DRG2: variants seen among roughly 807,000 people sequenced by gnomAD.
DRG2 encodes developmentally regulated GTP binding protein 2.
Under a neutral mutation model 53.4 loss-of-function variants are expected in DRG2, and 36 were observed. The observed-to-expected ratio is 0.67, with a 90% CI of 0.52 to 0.89. The LOEUF (loss-of-function observed/expected upper bound fraction) is 0.89. Among genes scored for constraint, DRG2 ranks in the 40% least tolerant of loss-of-function variants. DRG2 has a pLI of 0.00. For missense variants in DRG2, 342 were observed against 481.2 expected, an observed-to-expected ratio of 0.71 and a Z score of 2.71; for synonymous variants, 167 against 192.1, an observed-to-expected ratio of 0.87 and a Z score of 1.08.
chr17:18,103,952 C>T lies in DRG2; in HGVS notation c.895+63C>T, dbSNP rs987121482. 1.6e-5 allele frequency: 25 copies of T among 1,537,058 alleles called. No homozygotes were observed. Among genetic ancestry groups the T allele is most frequent in the South Asian group, 6.7e-5 (6 of 89,298 alleles). ...CTTCATCCCTAGAAGGCTGCCAGGC[C>T]GGTGTGTGGTGCCCAGAGACCCCAG... is the stretch of plus-strand genomic sequence containing the variant. On this transcript the variant is annotated intron_variant, in intron 10 of 12. Transcript: ENST00000225729. This position sits in a 1 kb window ranked among gnomAD's most constrained non-coding sequence, Gnocchi z 4.4.
At chr17:18,106,122 A>T in intron 11 of DRG2, 1 of 429,584 alleles carries the variant, frequency 2.3e-6, no homozygotes, top group Admixed American at 3.5e-5. Context: ...GCATCTGTTC[A>T]GGCAAGGCAA....
chr17:18,088,192 C>T, intron 1 of DRG2, 105 bp downstream of exon 1: 1 of 1,381,502 alleles, frequency 7.2e-7, no homozygotes, highest in South Asian at 1.4e-5. Flanking sequence ...GATCCGAGGC[C>T]GCGGAGAAGT....
At position 18,099,460 on chromosome 17, in the gene DRG2, C is replaced by A; in HGVS notation, c.377-173C>A. Reference sequence around the variant, plus strand: ...TATGATGGTGGTGTCGGATTTTCTTCTGAAATAAGTCTCCGTCAGTAAAAC... The same window carrying A: ...TATGATGGTGGTGTCGGATTTTCTTATGAAATAAGTCTCCGTCAGTAAAAC... On this transcript the variant is annotated intron_variant, in intron 4 of 12. Coordinates refer to ENST00000225729, the MANE Select transcript of DRG2 (RefSeq NM_001388.5). The surrounding 1 kb of genome is among the most constrained non-coding windows in gnomAD (Gnocchi z 4.4). 1.4e-6 allele frequency: 1 copy of A among 709,030 alleles called. No individual in the cohort carries two copies. The highest frequency in any genetic ancestry group is 1.7e-5 in the South Asian group (1 of 59,290). 43.9% of individuals were successfully genotyped at this position (709,030 alleles called of 1,614,324 possible).
At chr17:18,105,788 G>A (rs854762) in intron 11 of DRG2, 65,070 of 152,466 alleles carry the variant, frequency 0.43, 16,391 homozygotes, top group Non-Finnish European at 0.59. Context: ...TGGGCATGTG[G>A]GAGGAGGAGT....
At chr17:18,093,469 C>G (rs61647891) in intron 1 of DRG2, among the ~76,000 whole-genome samples, 1 of 152,074 alleles carries the variant, frequency 6.6e-6, no homozygotes. Context: ...CAGGCATGAA[C>G]GACCATGCCC....
At chr17:18,091,673 A>C (rs555705539) in intron 1 of DRG2, among the ~76,000 whole-genome samples, 43 of 151,654 alleles carry the variant, frequency 2.8e-4, no homozygotes, top group Admixed American at 1.5e-3. Flanking sequence ...ACTGACCAAC[A>C]TGGAGAAACC....
In DRG2 at chr17:18,107,245, G is replaced by A. The variant is rs753041531; in HGVS notation, c.*5G>A. On this transcript the variant is annotated 3_prime_UTR_variant, in exon 13 of 13. Transcript: ENST00000225729. ...ATCCAGATCGTGAAGAAGTAACGGC[G>A]CCTGCCGGGCCTCCCGCCCACCTGC... The A allele has an allele frequency of 5.0e-6, 8 of 1,611,594 alleles. No individual in the cohort carries two copies. Among genetic ancestry groups the A allele is most frequent in the East Asian group, 2.2e-5 (1 of 44,864 alleles).
At chr17:18,089,398 C>T (rs1370641962) in intron 1 of DRG2, among the ~76,000 whole-genome samples, 2 of 152,156 alleles carry the variant, frequency 1.3e-5, no homozygotes, top group Admixed American at 6.6e-5. Flanking sequence ...CCTCGGCCTC[C>T]CAAAGTGCTG....
In DRG2 at chr17:18,093,862, G is replaced by A. The variant is rs753497110; in HGVS notation, c.114G>A (p.Arg38=). 4 of 1,614,038 alleles carry A rather than the reference G, an allele frequency of 2.5e-6. No individual in the cohort carries two copies. The highest frequency in any genetic ancestry group is 4.5e-5 in the East Asian group (2 of 44,886). ...TGAAAGCTAAGCTCGCCAAGTATCGGGCCCAGCTCCTGGAACCGTCCAAAT... is the reference window on the plus strand; with the variant it reads ...TGAAAGCTAAGCTCGCCAAGTATCGAGCCCAGCTCCTGGAACCGTCCAAAT... ...GLLKAKLAKY[R]AQLLEPSKSA... The change falls in exon 2 of 13, where the codon CGG becomes CGA. Residue 38 remains arginine (R), a synonymous_variant. Coordinates refer to ENST00000225729, the MANE Select transcript of DRG2 (RefSeq NM_001388.5).
chr17:18,106,320 C>A, intron 11 of DRG2, 113 bp from the exon 12 acceptor site: 1 of 1,189,026 alleles, frequency 8.4e-7, no homozygotes, highest in Non-Finnish European at 1.3e-6. Flanking sequence ...TGGGCACCTG[C>A]CGCGGGAACT....
In DRG2 at chr17:18,103,554, C is replaced by T. The variant is rs549038547; in HGVS notation, c.807-247C>T. On this transcript the variant is annotated intron_variant, in intron 9 of 12. Coordinates refer to ENST00000225729, the MANE Select transcript of DRG2 (RefSeq NM_001388.5). The surrounding 1 kb of genome is among the most constrained non-coding windows in gnomAD (Gnocchi z 4.4). ...ACTAATCACACATGCTGCAACCCTC[C>T]ACAGAGCACAGGCTTGCCAGCCCCT... 6.6e-6 allele frequency among the ~76,000 whole-genome samples: 1 copy of T among 152,354 alleles called. No individual in the cohort carries two copies. The highest frequency in any genetic ancestry group is 6.5e-5 in the Admixed American group (1 of 15,306).
intron 8 of DRG2, 131 bp downstream of exon 8, chr17:18,101,721 G>GA: frequency 9.3e-7 from 1 of 1,078,646 alleles, no homozygotes; most frequent in Admixed American, 2.3e-5. Context: ...TCACCTCAGT[G>GA]GCTGCTTGGA....
intron 2 of DRG2, 133 bp downstream of exon 2, chr17:18,094,106 CAG>C (rs2045386322): frequency 9.1e-6 from 11 of 1,214,116 alleles, no homozygotes; most frequent in Admixed American, 2.8e-5. Context: ...CCCCCAGGGT[CAG>C]ATCCCAGCCC....
chr17:18,090,381 TATATATATATATATATATATATA>T (rs1434592815), intron 1 of DRG2, among the ~76,000 whole-genome samples: 914 of 17,598 alleles, frequency 0.052, 71 homozygotes, highest in South Asian at 0.097. Flanking sequence ...TATATATATA[TATATATATATATATATATATATA>T]TATTTTTTTT....
In DRG2 at chr17:18,100,706, A is replaced by C; in HGVS notation, c.631+47A>C. 6.4e-7 allele frequency: 1 copy of C among 1,561,030 alleles called. No individual in the cohort carries two copies. The highest frequency in any genetic ancestry group is 8.7e-7 in the Non-Finnish European group (1 of 1,148,640). Reference sequence around the variant, plus strand: ...GTGAAGGAGGGCAGCCACCACCGTCAGCGCAGCGGGGGGACTGACTAAGAC... The same window carrying C: ...GTGAAGGAGGGCAGCCACCACCGTCCGCGCAGCGGGGGGACTGACTAAGAC... On this transcript the variant is annotated intron_variant, in intron 7 of 12. Transcript: ENST00000225729. This position sits in a 1 kb window ranked among gnomAD's most constrained non-coding sequence, Gnocchi z 4.1.
intron 9 of DRG2, among the ~76,000 whole-genome samples, chr17:18,102,803 CCTT>C (rs1418508175): frequency 1.3e-5 from 2 of 152,120 alleles, no homozygotes; most frequent in African/African-American, 4.8e-5. Context: ...TTCCTGCCCT[CCTT>C]TGCAGGGTGG....
chr17:18,106,099 C>G, intron 11 of DRG2: 1 of 358,426 alleles, frequency 2.8e-6, no homozygotes, highest in Non-Finnish European at 5.4e-6. Context: ...TCACCCTGTC[C>G]CATTCTAAAG....
chr17:18,088,486 A>G (rs1375351579), intron 1 of DRG2, among the ~76,000 whole-genome samples: 1 of 152,254 alleles, frequency 6.6e-6, no homozygotes, highest in Non-Finnish European at 1.5e-5. Context: ...CTCACCCAGC[A>G]GCTGAGAGCC....
At chr17:18,104,441 T>A in intron 10 of DRG2, 182 bp from the exon 11 acceptor site, 1 of 1,313,376 alleles carries the variant, frequency 7.6e-7, no homozygotes, top group Non-Finnish European at 1.0e-6. Context: ...TGTGTTAAGA[T>A]CAAGGTCGTA....
Sources: allele counts gnomAD v4.1 joint callset (sites outside exome capture counted in the v4.1 genomes callset), GRCh38; gene constraint gnomAD v4.1.1; non-coding constraint Gnocchi (gnomAD v3.1); transcripts MANE v1.5; gene names NCBI Gene and HGNC (gene_info 2026-07-23, HGNC 2026-07-21).